The following SEPTIN2 variants were observed in gnomAD, a reference collection of about 807,000 sequenced individuals.
SEPTIN2 encodes septin 2, also known as septin-2.
SEPTIN2 carries 34 observed loss-of-function variants against 46.5 expected under a neutral mutation model. That is an observed-to-expected ratio of 0.73 (90% CI 0.56 to 0.97). SEPTIN2 has a LOEUF of 0.97. SEPTIN2 is among the 50% of genes least tolerant of loss of function. The probability of loss-of-function intolerance (pLI) is 0.00; values close to 1 mark genes in which losing one functional copy is unlikely to be tolerated. For missense variants in SEPTIN2, 347 were observed against 448.4 expected, an observed-to-expected ratio of 0.77 and a Z score of 2.04; for synonymous variants, 175 against 153.4, an observed-to-expected ratio of 1.14 and a Z score of -1.04.
Position 241,353,414 on chromosome 2 carries a change from T to A in SEPTIN2, c.*1477T>A, listed in dbSNP as rs1224710985. 1.3e-5 allele frequency: 2 copies of A among 152,156 alleles called. No individual in the cohort carries two copies. The highest frequency in any genetic ancestry group is 2.9e-5 in the Non-Finnish European group (2 of 68,030). The allele number at this position is 152,156 out of a possible 1,614,324, so 9.4% of individuals were successfully genotyped here. ...ATTGACAGATGAAAGGAGACAATGGTTGTGTAGGGAGATGGAGAAAATGCT... is the reference window on the plus strand; with the variant it reads ...ATTGACAGATGAAAGGAGACAATGGATGTGTAGGGAGATGGAGAAAATGCT... On this transcript the variant is annotated 3_prime_UTR_variant, in exon 13 of 13. Transcript: ENST00000391971.
intron 1 of SEPTIN2, among the ~76,000 whole-genome samples, chr2:241,321,485 A>G (rs945019189): frequency 1.3e-5 from 2 of 151,462 alleles, no homozygotes; most frequent in Non-Finnish European, 2.9e-5. Flanking sequence ...CTAGCCTGCT[A>G]TTTTTTACCT....
Position 241,337,477 on chromosome 2 carries a change from T to C in SEPTIN2, c.437T>C (p.Val146Ala). ...LNRRHIIDNRVHCCFYFISPF... is the reference protein window; with the variant it reads ...LNRRHIIDNRAHCCFYFISPF... ...AGGCGGCACATCATTGATAATAGGG[T>C]GCATTGTTGCTTTTACTTTATTTCA... The change falls in exon 6 of 13, where the codon GTG (valine) becomes GCG (alanine). Residue 146 changes from valine (V) to alanine (A), a missense_variant. Coordinates refer to ENST00000391971, the MANE Select transcript of SEPTIN2 (RefSeq NM_004404.5). 2 of 1,614,072 alleles carry C rather than the reference T, an allele frequency of 1.2e-6. No individual in the cohort carries two copies. The highest frequency in any genetic ancestry group is 1.7e-6 in the Non-Finnish European group (2 of 1,179,992).
At chr2:241,315,509 TTC>T (rs1032622379), upstream of SEPTIN2, 4 of 152,610 alleles carry the variant, frequency 2.6e-5, no homozygotes, top group African/African-American at 9.7e-5. Context: ...ACTTGTCTCC[TTC>T]TAACAAACGG....
At chr2:241,325,012 A>C (rs2077713185) in intron 2 of SEPTIN2, 1 of 151,744 alleles carries the variant, frequency 6.6e-6, no homozygotes, top group Non-Finnish European at 1.5e-5. Context: ...ATTACTGTCC[A>C]ATGCAAAATC....
At chr2:241,315,921 C>T (rs1263408507), upstream of SEPTIN2, 1 of 152,034 alleles carries the variant, frequency 6.6e-6, no homozygotes, top group Admixed American at 6.5e-5. Context: ...GTGAGCGGAC[C>T]GCGAGCGCTG....
At chr2:241,336,530 G>C (rs1010252289) in intron 5 of SEPTIN2, 1 of 162,752 alleles carries the variant, frequency 6.1e-6, no homozygotes, top group African/African-American at 2.4e-5. Flanking sequence ...CACCTGTACC[G>C]TGCAAAGAAT....
Position 241,352,963 on chromosome 2 carries a change from G to T in SEPTIN2, c.*1026G>T, listed in dbSNP as rs14351. ...TGGAAATTGGGGTCTGTTGGTGGGCGTGCCCCTGAAGCCTGGCTTGGGTTG... is the reference window on the plus strand; with the variant it reads ...TGGAAATTGGGGTCTGTTGGTGGGCTTGCCCCTGAAGCCTGGCTTGGGTTG... On this transcript the variant is annotated 3_prime_UTR_variant, in exon 13 of 13. Transcript: ENST00000391971. 108,374 of 152,108 alleles carry T rather than the reference G, an allele frequency of 0.71. 39,126 individuals are homozygous for T. The highest frequency in any genetic ancestry group is 0.85 in the Middle Eastern group (250 of 294). 9.4% of individuals were successfully genotyped at this position (152,108 alleles called of 1,614,324 possible).
intron 5 of SEPTIN2, chr2:241,337,172 T>C: frequency 1.9e-6 from 1 of 526,994 alleles, no homozygotes. Context: ...CCATTCAGGC[T>C]TTTGACTCTC....
In SEPTIN2 at chr2:241,353,683, T is replaced by C. The variant is rs2060935319; in HGVS notation, c.*1746T>C. On this transcript the variant is annotated 3_prime_UTR_variant, in exon 13 of 13. Coordinates refer to ENST00000391971, the MANE Select transcript of SEPTIN2 (RefSeq NM_004404.5). ...TCAGAGTACATCCATGCGGAGTCCA[T>C]TATTTGAGTTTGACATTTAATAACT... The C allele has an allele frequency of 6.5e-6, 1 of 152,834 alleles. No individual in the cohort carries two copies. The highest frequency in any genetic ancestry group is 1.5e-5 in the Non-Finnish European group (1 of 68,048). The allele number at this position is 152,834 out of a possible 1,614,324, so 9.5% of individuals were successfully genotyped here.
chr2:241,343,173 G>A, intron 8 of SEPTIN2, 80 bp downstream of exon 8: 1 of 813,894 alleles, frequency 1.2e-6, no homozygotes, highest in South Asian at 1.5e-5. Context: ...GATTGCCTGG[G>A]TATGTTCAGT....
chr2:241,340,599 T>A (rs2081119975), intron 7 of SEPTIN2, among the ~76,000 whole-genome samples: 1 of 152,234 alleles, frequency 6.6e-6, no homozygotes. Flanking sequence ...TCACCTTTTG[T>A]ACTCTGCTAT....
rs143880164 is a variant in SEPTIN2 at position 241,335,410 on chromosome 2, C to G, written c.217+198C>G. The G allele has an allele frequency of 3.5e-5, 50 of 1,417,862 alleles. No individual in the cohort carries two copies. In the African/African-American group the frequency reaches 6.0e-4, roughly 17 times the overall value. 87.8% of individuals were successfully genotyped at this position (1,417,862 alleles called of 1,614,324 possible). On this transcript the variant is annotated intron_variant, in intron 4 of 12. Coordinates refer to ENST00000391971, the MANE Select transcript of SEPTIN2 (RefSeq NM_004404.5). The stretch of plus-strand genomic sequence containing the variant: ...GTTGTAGACTTTCTTTGACACGTAT[C>G]CATGGATCCATCCTCTCTTGAGTTT...
At chr2:241,333,770 T>C (rs1351693193) in intron 3 of SEPTIN2, among the ~76,000 whole-genome samples, 2 of 152,356 alleles carry the variant, frequency 1.3e-5, no homozygotes, top group Admixed American at 6.5e-5. Flanking sequence ...CCCAAAGTGC[T>C]GGGATTACAG....
intron 8 of SEPTIN2, 127 bp from the exon 9 acceptor site, chr2:241,343,625 C>A: frequency 2.0e-6 from 2 of 992,512 alleles, no homozygotes; most frequent in Non-Finnish European, 3.0e-6. Flanking sequence ...TGTTACATAC[C>A]CCCAGCTTTC....
chr2:241,336,235 A>C, intron 5 of SEPTIN2, 137 bp downstream of exon 5: 2 of 933,246 alleles, frequency 2.1e-6, no homozygotes, highest in Non-Finnish European at 3.1e-6. Context: ...AAAGCGTGTT[A>C]AATGTTGACT....
At chr2:241,323,148 C>T (rs553385632) in intron 1 of SEPTIN2, among the ~76,000 whole-genome samples, 2 of 151,370 alleles carry the variant, frequency 1.3e-5, no homozygotes, top group South Asian at 2.1e-4. Flanking sequence ...TTACAGGCGT[C>T]AGCCACTGCA....
intron 3 of SEPTIN2, among the ~76,000 whole-genome samples, chr2:241,333,192 C>G (rs2079300509): frequency 6.6e-6 from 1 of 152,102 alleles, no homozygotes; most frequent in Middle Eastern, 3.2e-3. Flanking sequence ...CAAGAATCCT[C>G]AACTTTTAAA....
intron 1 of SEPTIN2, chr2:241,316,834 A>C: frequency 1.6e-5 from 5 of 303,130 alleles, no homozygotes; most frequent in Non-Finnish European, 6.1e-6. Flanking sequence ...AAACTCTTAA[A>C]TCTGGCTACT....
intron 1 of SEPTIN2, among the ~76,000 whole-genome samples, chr2:241,319,395 G>T (rs1314386140): frequency 6.6e-6 from 1 of 152,216 alleles, no homozygotes; most frequent in Non-Finnish European, 1.5e-5. Context: ...CTGGATAATG[G>T]ATAGCACATG....
Sources: gnomAD v4.1 joint callset for allele counts (sites outside exome capture counted in the v4.1 genomes callset) on GRCh38, gnomAD v4.1.1 for gene constraint, MANE v1.5 for transcripts, NCBI Gene and HGNC (gene_info 2026-07-23, HGNC 2026-07-21) for gene names.